Variants in RGS5 observed in about 807,000 individuals in gnomAD.
RGS5 encodes the protein regulator of G-protein signalling 5.
RGS5 carries 20 observed loss-of-function variants against 18.9 expected under a neutral mutation model. The observed-to-expected ratio is 1.06, with a 90% CI of 0.74 to 1.54. RGS5 has a LOEUF of 1.54. RGS5 is among the 40% of genes most tolerant of loss of function. The pLI, the probability that RGS5 is intolerant of heterozygous loss-of-function variation, is 0.00. For missense variants in RGS5, 201 were observed against 211.8 expected, an observed-to-expected ratio of 0.95 and a Z score of 0.32; for synonymous variants, 57 against 76.2, an observed-to-expected ratio of 0.75 and a Z score of 1.31.
At chr1:163,255,776 C>T (rs1648254811) in intron 2 of RGS5, among the ~76,000 whole-genome samples, 1 of 151,766 alleles carries the variant, frequency 6.6e-6, no homozygotes, top group African/African-American at 2.4e-5. Context: ...ATCAAGTGGG[C>T]TTCATCCCTG....
At chr1:163,298,720 TAC>T (rs1649484025) in intron 2 of RGS5, among the ~76,000 whole-genome samples, 1 of 152,150 alleles carries the variant, frequency 6.6e-6, no homozygotes, top group Non-Finnish European at 1.5e-5. Flanking sequence ...CCAGGGAGGA[TAC>T]CTATGACAAT....
chr1:163,192,489 C>T (rs73026862), intron 1 of RGS5, among the ~76,000 whole-genome samples: 10,003 of 147,682 alleles, frequency 0.068, 1,008 homozygotes, highest in African/African-American at 0.22. Flanking sequence ...AAGACCTATT[C>T]GCCTTAAAGT....
chr1:163,200,901 T>A (rs1659749048), intron 1 of RGS5, among the ~76,000 whole-genome samples: 1 of 152,158 alleles, frequency 6.6e-6, no homozygotes, highest in East Asian at 1.9e-4. Context: ...TGCTAGTGAA[T>A]CAGATATAAT....
intron 2 of RGS5, among the ~76,000 whole-genome samples, chr1:163,296,588 T>C (rs1649423920): frequency 1.3e-5 from 2 of 152,168 alleles, no homozygotes; most frequent in South Asian, 4.1e-4. Flanking sequence ...AAAAGATGCT[T>C]TAAGGCAAAC....
intron 2 of RGS5, among the ~76,000 whole-genome samples, chr1:163,224,060 C>T (rs2940673): frequency 0.74 from 112,901 of 152,056 alleles, 42,733 homozygotes; most frequent in African/African-American, 0.85. Flanking sequence ...TTCCTTGTGG[C>T]GAGAACATTC....
At chr1:163,194,717 GA>G (rs1659493588) in intron 1 of RGS5, among the ~76,000 whole-genome samples, 1 of 152,060 alleles carries the variant, frequency 6.6e-6, no homozygotes, top group South Asian at 2.1e-4. Context: ...ATAAGATTAA[GA>G]AATCTCAATG....
intron 2 of RGS5, among the ~76,000 whole-genome samples, chr1:163,292,871 G>A (rs569288034): frequency 6.8e-6 from 1 of 146,840 alleles, no homozygotes; most frequent in South Asian, 2.1e-4. Context: ...GGGTTTTTTG[G>A]TTTTCTGGTA....
chr1:163,304,299 G>C (rs1557936830), intron 2 of RGS5: 1 of 152,134 alleles, frequency 6.6e-6, no homozygotes, highest in Non-Finnish European at 1.5e-5. Context: ...ATACTCAGGG[G>C]CTCCTGCCTG....
chr1:163,313,997 ATATGTG>A (rs201424295), intron 1 of RGS5, among the ~76,000 whole-genome samples: 9,818 of 149,470 alleles, frequency 0.066, 360 homozygotes, highest in Middle Eastern at 0.13. Context: ...AATAAGATAT[ATATGTG>A]TGTGTGTGTG....
chr1:163,147,846 A>G (rs937957389), intron 4 of RGS5, among the ~76,000 whole-genome samples: 2 of 151,982 alleles, frequency 1.3e-5, no homozygotes, highest in East Asian at 3.9e-4. Context: ...CCAAGATCAC[A>G]GAACTGATAA....
In RGS5 at chr1:163,261,890, TA is replaced by T. The variant is rs890789871; in HGVS notation, c.-281+44342del. Among the ~76,000 whole-genome samples the T allele has an allele frequency of 7.6e-3, 1,152 of 151,650 alleles. 16 individuals carry two copies. The highest frequency in any genetic ancestry group is 0.026 in the African/African-American group (1,069 of 41,458). ...AAATCTTTGCATTCCTATTTTTTTT[TA>T]AAATTATTTCTCATTCAGTTTTTCA... is the stretch of plus-strand genomic sequence containing the variant. On this transcript the variant is annotated intron_variant, in intron 2 of 5. Coordinates refer to the RGS5 transcript ENST00000618415.
upstream of RGS5, among the ~76,000 whole-genome samples, chr1:163,207,824 G>A (rs1659984951): frequency 6.6e-6 from 1 of 151,826 alleles, no homozygotes; most frequent in Non-Finnish European, 1.5e-5. Flanking sequence ...AACAGGAGAT[G>A]AAAGACACTA....
At chr1:163,256,990 T>C (rs1648290712) in intron 2 of RGS5, among the ~76,000 whole-genome samples, 1 of 152,204 alleles carries the variant, frequency 6.6e-6, no homozygotes, top group South Asian at 2.1e-4. Flanking sequence ...CTCAAATTTC[T>C]TTTTCATCAT....
chr1:163,236,111 G>T (rs868320917), intron 2 of RGS5, among the ~76,000 whole-genome samples: 20 of 152,230 alleles, frequency 1.3e-4, no homozygotes, highest in Middle Eastern at 3.4e-3. Flanking sequence ...CATAATTGGG[G>T]CCCTTCATAT....
At chr1:163,178,103 G>C (rs1359649048) in intron 1 of RGS5, among the ~76,000 whole-genome samples, 1 of 152,060 alleles carries the variant, frequency 6.6e-6, no homozygotes, top group Non-Finnish European at 1.5e-5. Context: ...AGGAATTCAA[G>C]ACCAGCCTAG....
chr1:163,228,381 C>T (rs1379249589), intron 2 of RGS5, among the ~76,000 whole-genome samples: 1 of 152,248 alleles, frequency 6.6e-6, no homozygotes, highest in Non-Finnish European at 1.5e-5. Context: ...GGCTTTCGCC[C>T]TCTGAAGCAA....
chr1:163,158,307 G>T (rs1212231852), intron 3 of RGS5, among the ~76,000 whole-genome samples: 2 of 152,118 alleles, frequency 1.3e-5, no homozygotes, highest in African/African-American at 4.8e-5. Context: ...AGACAGAGTG[G>T]CAAGAGAGAC....
At chr1:163,191,075 C>G (rs1394905155) in intron 1 of RGS5, among the ~76,000 whole-genome samples, 1 of 152,102 alleles carries the variant, frequency 6.6e-6, no homozygotes, top group Non-Finnish European at 1.5e-5. Flanking sequence ...TACAGCAAGG[C>G]AGAGATGGAC....
chr1:163,147,576 G>A, intron 4 of RGS5, 73 bp from the exon 5 acceptor site: 1 of 1,292,602 alleles, frequency 7.7e-7, no homozygotes, highest in Non-Finnish European at 1.0e-6. Context: ...GAGGGAGGTG[G>A]AATTTCTCAT....
Sources: allele counts gnomAD v4.1 joint callset (sites outside exome capture counted in the v4.1 genomes callset), GRCh38; gene constraint gnomAD v4.1.1; transcripts MANE v1.5; gene names NCBI Gene and HGNC (gene_info 2026-07-23, HGNC 2026-07-21).